COG6: variants seen among roughly 807,000 people sequenced by gnomAD.
COG6 encodes the protein conserved oligomeric Golgi complex subunit 6.
In COG6, 74 loss-of-function variants were observed where a neutral mutation model predicts 88.8. The observed-to-expected ratio is 0.83, with a 90% CI of 0.69 to 1.01. COG6 has a LOEUF of 1.01. Ranked by LOEUF, COG6 falls within the 50% of genes least tolerant of loss-of-function variation. COG6 has a pLI of 0.00. For missense variants in COG6, 800 were observed against 797.9 expected, an observed-to-expected ratio of 1.00 and a Z score of -0.03; for synonymous variants, 286 against 278.7, an observed-to-expected ratio of 1.03 and a Z score of -0.26.
chr13:39,724,476 G>C, intron 16 of COG6, 32 bp from the exon 17 acceptor site: 3 of 1,374,654 alleles, frequency 2.2e-6, no homozygotes, highest in Non-Finnish European at 3.0e-6. Context: ...TTTACATCTT[G>C]GATCTGCTTT....
At chr13:39,655,925 G>C (rs1874454973) in intron 1 of COG6, 46 bp downstream of exon 1, 1 of 1,579,878 alleles carries the variant, frequency 6.3e-7, no homozygotes, top group African/African-American at 1.3e-5. Context: ...CTGCGGGGCT[G>C]AGCCGGGCCA....
At chr13:39,684,441 G>A (rs1192458763) in intron 8 of COG6, among the ~76,000 whole-genome samples, 5 of 150,900 alleles carry the variant, frequency 3.3e-5, no homozygotes, top group African/African-American at 7.3e-5. Context: ...TAGTAGAGAC[G>A]GGGTTTCACC....
intron 3 of COG6, among the ~76,000 whole-genome samples, chr13:39,662,554 A>G (rs1278744491): frequency 6.6e-6 from 1 of 152,224 alleles, no homozygotes; most frequent in African/African-American, 2.4e-5. Flanking sequence ...AATAAACTGC[A>G]TCCATTCAAA....
intron 13 of COG6, among the ~76,000 whole-genome samples, chr13:39,717,757 A>G (rs1202788617): frequency 6.6e-6 from 1 of 151,992 alleles, no homozygotes; most frequent in Admixed American, 6.6e-5. Context: ...CCTAGCTGTT[A>G]ATACTTGGGA....
At chr13:39,670,236 A>G (rs1875542180) in intron 4 of COG6, among the ~76,000 whole-genome samples, 1 of 152,128 alleles carries the variant, frequency 6.6e-6, no homozygotes. Context: ...GGCTTCACTG[A>G]TAATCAGGAA....
chr13:39,790,254 A>C (rs1167796507), exon 19 of COG6: 3 of 152,302 alleles, frequency 2.0e-5, no homozygotes, highest in African/African-American at 7.2e-5. Flanking sequence ...TCCCTCATGC[A>C]CTAAGTGAGG....
chr13:39,736,102 T>TA (rs1302308768), intron 18 of COG6, among the ~76,000 whole-genome samples: 3 of 152,108 alleles, frequency 2.0e-5, no homozygotes, highest in Non-Finnish European at 4.4e-5. Context: ...TACACTAATC[T>TA]CTCTCTGCCT....
chr13:39,720,013 A>ACACG (rs1205112066), intron 15 of COG6, among the ~76,000 whole-genome samples, 186 bp downstream of exon 15: 1 of 151,438 alleles, frequency 6.6e-6, no homozygotes, highest in African/African-American at 2.4e-5. Context: ...ACACACACAC[A>ACACG]CACACACACA....
chr13:39,713,421 G>T (rs746059740), intron 13 of COG6, among the ~76,000 whole-genome samples: 2 of 152,108 alleles, frequency 1.3e-5, no homozygotes, highest in Non-Finnish European at 2.9e-5. Context: ...GTGCAAGAAT[G>T]CATTGGAGGG....
downstream of COG6, among the ~76,000 whole-genome samples, chr13:39,756,403 C>T (rs569043640): frequency 1.3e-4 from 20 of 151,842 alleles, no homozygotes; most frequent in African/African-American, 4.1e-4. Flanking sequence ...TGTGGAGCAC[C>T]GTCAACAATA....
intron 18 of COG6, among the ~76,000 whole-genome samples, chr13:39,770,957 CATTA>C (rs1197859300): frequency 2.0e-5 from 3 of 152,182 alleles, no homozygotes; most frequent in African/African-American, 7.2e-5. Flanking sequence ...CACTTGATAA[CATTA>C]ATTGTCTTTT....
At chr13:39,704,485 A>C (rs1877772526) in intron 13 of COG6, among the ~76,000 whole-genome samples, 1 of 152,196 alleles carries the variant, frequency 6.6e-6, no homozygotes, top group South Asian at 2.1e-4. Context: ...CTATTCATTA[A>C]ATGGAAGTGA....
chr13:39,685,818 G>A (rs1876602864), intron 8 of COG6, among the ~76,000 whole-genome samples: 1 of 152,136 alleles, frequency 6.6e-6, no homozygotes, highest in South Asian at 2.1e-4. Context: ...GTAAATGCAA[G>A]GCAATTATGC....
chr13:39,761,646 TAGAACATACA>T (rs1200952292), intron 18 of COG6, among the ~76,000 whole-genome samples: 3 of 151,626 alleles, frequency 2.0e-5, no homozygotes, highest in Non-Finnish European at 4.4e-5. Context: ...GATTAATATT[TAGAACATACA>T]AGGACCTCAA....
At chr13:39,742,200 G>A (rs1369324071) in intron 18 of COG6, among the ~76,000 whole-genome samples, 3 of 152,010 alleles carry the variant, frequency 2.0e-5, no homozygotes, top group African/African-American at 4.8e-5. Flanking sequence ...ATCAACTAAC[G>A]GGCAAAATAA....
chr13:39,736,166 T>C (rs758801261), intron 18 of COG6, among the ~76,000 whole-genome samples: 2 of 152,122 alleles, frequency 1.3e-5, no homozygotes, highest in East Asian at 1.9e-4. Flanking sequence ...ATTTTCTAGA[T>C]CTTGTATGTG....
chr13:39,669,135 T>C (rs1169566478), intron 4 of COG6, among the ~76,000 whole-genome samples: 2 of 152,242 alleles, frequency 1.3e-5, no homozygotes, highest in African/African-American at 4.8e-5. Context: ...CAGCCAGCTC[T>C]GTGAGGAAAG....
Position 39,689,811 on chromosome 13 carries a change from G to A in COG6, c.1061G>A (p.Cys354Tyr), listed in dbSNP as rs370141344. 7 of 1,609,010 alleles carry A rather than the reference G, an allele frequency of 4.4e-6. No homozygotes were observed. The highest frequency in any genetic ancestry group is 6.0e-6 in the Non-Finnish European group (7 of 1,176,448). ...GTTGGGCATATCACTGAAGGTGTGTGCAGGCCTCTAAAGGTAAAATATTTT... is the reference window on the plus strand; with the variant it reads ...GTTGGGCATATCACTGAAGGTGTGTACAGGCCTCTAAAGGTAAAATATTTT... ...EVVGHITEGV[C>Y]RPLKVRIEQV... is the part of the protein sequence containing the mutation. Residue 354 changes from cysteine (C) to tyrosine (Y), a missense_variant, in exon 11 of 19, where the codon TGC becomes TAC. Physicochemically the swap from Cys to Tyr is radical, Grantham distance 194 (BLOSUM62 -2). Coordinates refer to ENST00000455146, the MANE Select transcript of COG6 (RefSeq NM_020751.3).
chr13:39,687,315 A>G (rs567365041), intron 8 of COG6, among the ~76,000 whole-genome samples, 188 bp from the exon 9 acceptor site: 1 of 151,954 alleles, frequency 6.6e-6, no homozygotes, highest in South Asian at 2.1e-4. Flanking sequence ...TTTTGATTGA[A>G]TTTTCAATGA....
Sources: allele counts gnomAD v4.1 joint callset (sites outside exome capture counted in the v4.1 genomes callset), GRCh38; gene constraint gnomAD v4.1.1; transcripts MANE v1.5; gene names NCBI Gene and HGNC (gene_info 2026-07-23, HGNC 2026-07-21).